PARD3: variants seen among roughly 807,000 people sequenced by gnomAD.
The protein encoded by PARD3 is partitioning defective 3 homolog.
A neutral mutation model predicts 155.4 loss-of-function variants in PARD3; 75 were observed. The observed-to-expected ratio is 0.48, with a 90% CI of 0.40 to 0.58. The LOEUF is 0.58. Among genes scored for constraint, PARD3 ranks in the 20% least tolerant of loss-of-function variants. The pLI is 0.00. For synonymous variants in PARD3, 576 were observed against 610.5 expected, an observed-to-expected ratio of 0.94 and a Z score of 0.83; for missense variants, 1,642 against 1,721.7, an observed-to-expected ratio of 0.95 and a Z score of 0.82.
chr10:34,598,112 CT>C (rs1287698100), intron 2 of PARD3, among the ~76,000 whole-genome samples: 1 of 152,112 alleles, frequency 6.6e-6, no homozygotes, highest in African/African-American at 2.4e-5. Flanking sequence ...AAAAGTATTC[CT>C]GAGCTGAGAA....
intron 15 of PARD3, among the ~76,000 whole-genome samples, chr10:34,342,061 G>C (rs1479901829): frequency 6.6e-6 from 1 of 152,126 alleles, no homozygotes; most frequent in Admixed American, 6.5e-5. Flanking sequence ...AATTTTTCTG[G>C]TTTGAAGTTT....
chr10:34,172,749 CA>C lies in PARD3; in HGVS notation c.3420-41167del, dbSNP rs1407885538. On this transcript the variant is annotated intron_variant, in intron 22 of 24. Transcript: ENST00000374788. The stretch of plus-strand genomic sequence containing the variant: ...AACAAAAACAAAAACAAAAAAACAA[CA>C]AAAAAAAAAACAAAAAAAAAACCCA... 1.6e-3 allele frequency among the ~76,000 whole-genome samples: 181 copies of C among 111,636 alleles called. 2 individuals are homozygous for C. Among genetic ancestry groups the C allele is most frequent in the Middle Eastern group, 4.7e-3 (1 of 212 alleles). The allele number at this position is 111,636 out of a possible 152,430, so 73.2% of individuals were successfully genotyped here.
chr10:34,295,702 C>T (rs1028222330), intron 20 of PARD3, among the ~76,000 whole-genome samples: 5 of 152,120 alleles, frequency 3.3e-5, no homozygotes, highest in South Asian at 2.1e-4. Flanking sequence ...ATACTCATGA[C>T]GTATTAGCAA....
chr10:34,674,376 G>A (rs1475467131), intron 2 of PARD3, among the ~76,000 whole-genome samples: 1 of 151,738 alleles, frequency 6.6e-6, no homozygotes, highest in African/African-American at 2.4e-5. Context: ...GCCACCCTGC[G>A]CTCACTGCCT....
intron 2 of PARD3, among the ~76,000 whole-genome samples, chr10:34,571,611 C>A (rs952789395): frequency 6.6e-6 from 1 of 152,084 alleles, no homozygotes; most frequent in African/African-American, 2.4e-5. Flanking sequence ...TGTAAAAAAT[C>A]TTATATATTT....
In PARD3 at chr10:34,233,236, C is replaced by T. The variant is rs539738708; in HGVS notation, c.3419+36421G>A. On this transcript the variant is annotated intron_variant, in intron 22 of 24. Transcript: ENST00000374788. ...TTACATCTTAAGCATCTCTTAGGTC[C>T]GCTAGAAACAGTGGACTGCTGCCTC... Among the ~76,000 whole-genome samples, 178 of 151,940 alleles carry T rather than the reference C, an allele frequency of 1.2e-3. 2 individuals are homozygous for T. The highest frequency in any genetic ancestry group is 4.2e-3 in the African/African-American group (175 of 41,350).
intron 2 of PARD3, among the ~76,000 whole-genome samples, chr10:34,660,303 A>G (rs1420019318): frequency 6.6e-6 from 1 of 152,214 alleles, no homozygotes. Flanking sequence ...GATTTTAATT[A>G]AAGCTTATCT....
At chr10:34,786,723 G>A (rs1307220152) in intron 1 of PARD3, among the ~76,000 whole-genome samples, 1 of 152,196 alleles carries the variant, frequency 6.6e-6, no homozygotes, top group African/African-American at 2.4e-5. Flanking sequence ...TCTGTAAAAA[G>A]CCACTTAAAA....
chr10:34,325,411 T>A (rs191601631), intron 19 of PARD3, among the ~76,000 whole-genome samples: 198 of 152,226 alleles, frequency 1.3e-3, no homozygotes, highest in African/African-American at 4.7e-3. Context: ...TCTCTGTGCA[T>A]CCAGTTGAAG....
intron 2 of PARD3, among the ~76,000 whole-genome samples, chr10:34,589,546 G>T (rs1187651316): frequency 6.7e-6 from 1 of 148,672 alleles, no homozygotes; most frequent in South Asian, 2.1e-4. Context: ...AGCCTCCAGA[G>T]CTGTGAGAAA....
chr10:34,344,410 G>A (rs948546938), intron 15 of PARD3: 7 of 546,800 alleles, frequency 1.3e-5, no homozygotes, highest in African/African-American at 2.1e-5. Flanking sequence ...AGCCTCCCCA[G>A]TAGGTGGGAC....
intron 10 of PARD3, among the ~76,000 whole-genome samples, chr10:34,377,046 G>A (rs1205843860): frequency 1.3e-5 from 2 of 151,922 alleles, no homozygotes; most frequent in East Asian, 3.9e-4. Flanking sequence ...ATAAGACATA[G>A]AAAAAAAATT....
chr10:34,353,950 AAAAC>A (rs1838492002), intron 14 of PARD3, among the ~76,000 whole-genome samples: 1 of 151,804 alleles, frequency 6.6e-6, no homozygotes, highest in South Asian at 2.1e-4. Flanking sequence ...AAGAAAAAAG[AAAAC>A]AAACAATGAT....
intron 1 of PARD3, among the ~76,000 whole-genome samples, chr10:34,780,694 A>G (rs971588665): frequency 2.0e-5 from 3 of 152,156 alleles, no homozygotes; most frequent in African/African-American, 7.2e-5. Context: ...CTCTTGCCGC[A>G]GTTTTTTACA....
At chr10:34,153,019 T>C (rs1948848106) in intron 22 of PARD3, among the ~76,000 whole-genome samples, 1 of 152,308 alleles carries the variant, frequency 6.6e-6, no homozygotes, top group East Asian at 1.9e-4. Flanking sequence ...TGCAGAAGTA[T>C]AGGTCCCTGC....
At chr10:34,712,659 A>T (rs193014758) in intron 1 of PARD3, among the ~76,000 whole-genome samples, 1 of 152,216 alleles carries the variant, frequency 6.6e-6, no homozygotes, top group Non-Finnish European at 1.5e-5. Flanking sequence ...GAAGTTTGCC[A>T]AGGTGACACA....
At position 34,722,203 on chromosome 10, in the gene PARD3, T is replaced by G. The variant is rs79105319; in HGVS notation, c.121-25784A>C. 2.0e-5 allele frequency among the ~76,000 whole-genome samples: 3 copies of G among 151,986 alleles called. No individual in the cohort carries two copies. The East Asian group carries it at 5.8e-4, about 29-fold the overall frequency. On this transcript the variant is annotated intron_variant, in intron 1 of 24. Coordinates refer to ENST00000374788, the MANE Select transcript of PARD3 (RefSeq NM_001184785.2). ...TGAGATCCTGTCTCAAAATATATAT[T>G]TTTGAGACATATATTTATATATTTT...
intron 2 of PARD3, among the ~76,000 whole-genome samples, chr10:34,624,644 G>C (rs2091888372): frequency 6.6e-6 from 1 of 152,252 alleles, no homozygotes; most frequent in Admixed American, 6.5e-5. Context: ...GCTCCTCTGG[G>C]CCTCCCTACA....
chr10:34,142,898 C>G (rs893446140), intron 22 of PARD3, among the ~76,000 whole-genome samples: 1 of 152,184 alleles, frequency 6.6e-6, no homozygotes, highest in African/African-American at 2.4e-5. Context: ...TTGTGACCCA[C>G]AGTTGAAGTC....
Sources: gnomAD v4.1 joint callset for allele counts (sites outside exome capture counted in the v4.1 genomes callset) on GRCh38, gnomAD v4.1.1 for gene constraint, MANE v1.5 for transcripts, NCBI Gene and HGNC (gene_info 2026-07-23, HGNC 2026-07-21) for gene names.